ENO4: variants seen among roughly 807,000 people sequenced by gnomAD.
The protein encoded by ENO4 is enolase 4, also known as 2-phospho-D-glycerate hydro-lyase.
In ENO4, 53 loss-of-function variants were observed where a neutral mutation model predicts 63.2. The ratio of observed to expected loss-of-function variants is 0.84; its 90% confidence interval spans 0.67 to 1.05. The LOEUF (loss-of-function observed/expected upper bound fraction) is 1.05. Among genes scored for constraint, ENO4 ranks in the 50% least tolerant of loss-of-function variants. ENO4 has a pLI of 0.00. For synonymous variants in ENO4, 266 were observed against 283.8 expected (o/e 0.94, Z 0.63); for missense variants, 719 against 772.0 (o/e 0.93, Z 0.81).
Position 116,876,105 on chromosome 10 carries a change from C to T in ENO4, c.1382C>T (p.Ser461Phe). 6.5e-7 allele frequency: 1 copy of T among 1,550,292 alleles called. No homozygotes were observed. Among genetic ancestry groups the T allele is most frequent in the Non-Finnish European group, 8.7e-7 (1 of 1,146,796 alleles). The stretch of plus-strand genomic sequence containing the variant: ...GACAGCATCTATCACGCACTTGGTT[C>T]CAGGTGTTACATAATTGCAGGAACT... ...QWDSIYHALG[S>F]RCYIIAGTAS... Residue 461 changes from serine (S) to phenylalanine (F), a missense_variant, in exon 11 of 14, where the codon TCC becomes TTC. Around this residue, in one of 3 missense-constraint regions of ENO4, gnomAD observed 544 missense variants for 583.6 expected, o/e 0.93. Coordinates refer to ENST00000341276, the MANE Select transcript of ENO4 (RefSeq NM_001242699.2).
chr10:116,859,724 C>T (rs1846359774), intron 4 of ENO4, among the ~76,000 whole-genome samples: 1 of 152,044 alleles, frequency 6.6e-6, no homozygotes, highest in Non-Finnish European at 1.5e-5. Context: ...GAACGTGCTC[C>T]TTGAGGGCAT....
chr10:116,911,232 T>C (rs1848178359), intron 10 of ENO4, among the ~76,000 whole-genome samples: 1 of 152,026 alleles, frequency 6.6e-6, no homozygotes, highest in African/African-American at 2.4e-5. Flanking sequence ...AAAATATGAC[T>C]AGGAAGGGAC....
At chr10:116,868,146 T>C (rs555564222) in intron 7 of ENO4, among the ~76,000 whole-genome samples, 3 of 152,354 alleles carry the variant, frequency 2.0e-5, no homozygotes, top group African/African-American at 7.2e-5. Flanking sequence ...TAATGACCTT[T>C]GACTGTTTCA....
intron 10 of ENO4, among the ~76,000 whole-genome samples, chr10:116,894,614 T>C (rs887681057): frequency 1.5e-4 from 23 of 152,322 alleles, no homozygotes; most frequent in African/African-American, 4.8e-4. Flanking sequence ...AACCACACTG[T>C]TGAAATGGAA....
chr10:116,908,570 A>G (rs1040452726), intron 10 of ENO4, among the ~76,000 whole-genome samples: 11 of 152,334 alleles, frequency 7.2e-5, no homozygotes, highest in Middle Eastern at 3.4e-3. Flanking sequence ...TGAAAAACAC[A>G]TGGTCATCAC....
intron 11 of ENO4, among the ~76,000 whole-genome samples, chr10:116,877,532 TAC>T (rs1400780228): frequency 6.6e-6 from 1 of 152,050 alleles, no homozygotes; most frequent in Non-Finnish European, 1.5e-5. Context: ...TTTCTGTCAG[TAC>T]AGAGACCTGA....
rs577782146 is a variant in ENO4 at position 116,876,333 on chromosome 10, C to CAA, written c.1537+75_1537+76dup. 1,048 of 1,155,976 alleles carry CAA rather than the reference C, an allele frequency of 9.1e-4. 4 individuals are homozygous for CAA. Among genetic ancestry groups the CAA allele is most frequent in the Admixed American group, 4.8e-3 (144 of 29,892 alleles). The allele number at this position is 1,155,976 out of a possible 1,614,324, so 71.6% of individuals were successfully genotyped here. On this transcript the variant is annotated intron_variant, in intron 11 of 13. Transcript: ENST00000341276. ...AAGAAACCAAAAATACACAGCATAT[C>CAA]AAAGTTACTAAAAAGCATGGGAGAA...
chr10:116,870,418 G>A (rs1404470747), intron 8 of ENO4, among the ~76,000 whole-genome samples: 1 of 152,028 alleles, frequency 6.6e-6, no homozygotes, highest in East Asian at 1.9e-4. Context: ...AGCACTTTGG[G>A]AGTGCTGAGC....
intron 10 of ENO4, chr10:116,901,775 C>T: frequency 6.3e-7 from 1 of 1,598,746 alleles, no homozygotes; most frequent in Non-Finnish European, 8.5e-7. Context: ...TGAAACGTAA[C>T]CTTGGAACTT....
At position 116,876,321 on chromosome 10, in the gene ENO4, T is replaced by C. The variant is rs1033014175; in HGVS notation, c.1537+61T>C. 4.0e-6 allele frequency: 5 copies of C among 1,254,070 alleles called. No individual in the cohort carries two copies. In the Admixed American group the frequency reaches 1.2e-4, roughly 30 times the overall value. 77.7% of individuals were successfully genotyped at this position (1,254,070 alleles called of 1,614,324 possible). The stretch of plus-strand genomic sequence containing the variant: ...ACTTGGTTATACAAGAAACCAAAAA[T>C]ACACAGCATATCAAAGTTACTAAAA... On this transcript the variant is annotated intron_variant, in intron 11 of 13. Transcript: ENST00000341276.
intron 10 of ENO4, among the ~76,000 whole-genome samples, chr10:116,899,442 T>C (rs539724284): frequency 7.3e-5 from 11 of 150,760 alleles, no homozygotes; most frequent in Non-Finnish European, 1.3e-4. Flanking sequence ...GGGCCTAGGG[T>C]GAAGTGGTAC....
In ENO4 at chr10:116,861,062, C is replaced by T. The variant is rs1156902173; in HGVS notation, c.808C>T (p.Gln270Ter). The T allele has an allele frequency of 3.2e-6, 5 of 1,548,794 alleles. No homozygotes were observed. In the East Asian group the frequency reaches 1.2e-4, roughly 38 times the overall value. ...NIALLKHNQE[Q>*]PTTLSMPLLM... ...CCTCGTTTTCCCCCTATTTCAGGAA[C>T]AGCCAACAACGCTATCTATGCCTTT... is the stretch of plus-strand genomic sequence containing the variant. The change falls in exon 6 of 14, where the codon CAG (glutamine) becomes TAG (stop). Residue 270 changes from glutamine (Q) to a stop codon, truncating the protein, a stop_gained. Coordinates refer to ENST00000341276, the MANE Select transcript of ENO4 (RefSeq NM_001242699.2). LOFTEE classifies it high-confidence loss of function.
chr10:116,887,601 C>T (rs1847206257), downstream of ENO4, among the ~76,000 whole-genome samples: 1 of 152,192 alleles, frequency 6.6e-6, no homozygotes, highest in African/African-American at 2.4e-5. Flanking sequence ...CTACTATTCT[C>T]TGACCCCTTC....
chr10:116,880,205 T>C (rs1158736278), intron 13 of ENO4, among the ~76,000 whole-genome samples: 1 of 152,190 alleles, frequency 6.6e-6, no homozygotes, highest in Non-Finnish European at 1.5e-5. Flanking sequence ...TTTTTCTTGA[T>C]GAATAGGCTG....
At chr10:116,907,869 AAC>A in intron 10 of ENO4, 1 of 517,714 alleles carries the variant, frequency 1.9e-6, no homozygotes, top group South Asian at 1.4e-5. Context: ...GTAATGTTTG[AAC>A]TCACTAAGGA....
chr10:116,902,998 C>T (rs971517885), intron 10 of ENO4, among the ~76,000 whole-genome samples: 4 of 152,092 alleles, frequency 2.6e-5, no homozygotes, highest in African/African-American at 7.2e-5. Flanking sequence ...AGTATAATAG[C>T]GTAACATATC....
At chr10:116,874,619 C>A (rs1296181977) in intron 10 of ENO4, among the ~76,000 whole-genome samples, 1 of 152,092 alleles carries the variant, frequency 6.6e-6, no homozygotes. Context: ...TTCTATAAGG[C>A]CAAATATTTT....
At chr10:116,870,349 A>T (rs1846654579) in intron 8 of ENO4, among the ~76,000 whole-genome samples, 1 of 152,180 alleles carries the variant, frequency 6.6e-6, no homozygotes, top group Admixed American at 6.5e-5. Flanking sequence ...CATCTTCAGT[A>T]TTGCATCCTC....
At chr10:116,895,622 T>C (rs1019899906) in intron 10 of ENO4, among the ~76,000 whole-genome samples, 1 of 152,150 alleles carries the variant, frequency 6.6e-6, no homozygotes, top group African/African-American at 2.4e-5. Context: ...TTAGGGTCAA[T>C]GAAGCAACTT....
Sources: allele counts gnomAD v4.1 joint callset (sites outside exome capture counted in the v4.1 genomes callset), GRCh38; gene constraint gnomAD v4.1.1; regional missense constraint gnomAD v4.1.1; transcripts MANE v1.5; gene names NCBI Gene and HGNC (gene_info 2026-07-23, HGNC 2026-07-21).